Variants in STXBP5 observed in about 807,000 individuals in gnomAD.
STXBP5 encodes the protein syntaxin-binding protein 5.
In STXBP5, 50 loss-of-function variants were observed where a neutral mutation model predicts 152.4. The ratio of observed to expected loss-of-function variants is 0.33; its 90% CI spans 0.26 to 0.42. The LOEUF (loss-of-function observed/expected upper bound fraction) is 0.42, where lower values mean the gene tolerates loss of function less well. Among genes scored for constraint, STXBP5 ranks in the 10% least tolerant of loss-of-function variants. STXBP5 has a pLI of 1.00. For synonymous variants in STXBP5, 492 were observed against 494.7 expected (o/e 0.99, Z 0.07); for missense variants, 1,167 against 1,388.6 (o/e 0.84, Z 2.54).
intron 27 of STXBP5, 21 bp downstream of exon 27, chr6:147,383,019 T>A: frequency 6.2e-7 from 1 of 1,611,316 alleles, no homozygotes; most frequent in Non-Finnish European, 8.5e-7. Context: ...CAAACAGATA[T>A]TTGAACAAAA....
intron 21 of STXBP5, among the ~76,000 whole-genome samples, chr6:147,347,414 T>G (rs1482684921): frequency 6.6e-6 from 1 of 152,138 alleles, no homozygotes; most frequent in Non-Finnish European, 1.5e-5. Flanking sequence ...AGTTCCACAA[T>G]TAAGTACTAC....
chr6:147,367,437 G>C (rs972080086), intron 25 of STXBP5, among the ~76,000 whole-genome samples: 5 of 152,080 alleles, frequency 3.3e-5, no homozygotes, highest in African/African-American at 1.2e-4. Flanking sequence ...AGGAGATCGA[G>C]ACCATCCTGG....
rs191793860 is a variant in STXBP5, at chr6:147,214,179, T to C, written c.248+8111T>C. On this transcript the variant is annotated intron_variant, in intron 2 of 27. Transcript: ENST00000321680. ...CACTTTAATTTGAACGCATTTCTGA[T>C]GTTTATTAGCAGTAATAAAAATAAG... Among the ~76,000 whole-genome samples the C allele has an allele frequency of 3.2e-4, 48 of 152,358 alleles. No individual in the cohort carries two copies. The East Asian group carries it at 8.9e-3, about 28-fold the overall frequency.
At chr6:147,305,866 G>A (rs770322931) in intron 9 of STXBP5, among the ~76,000 whole-genome samples, 5 of 152,128 alleles carry the variant, frequency 3.3e-5, no homozygotes, top group Admixed American at 6.6e-5. Flanking sequence ...GTTATTAAGT[G>A]TTCCCTCTAA....
At chr6:147,206,786 T>A (rs1776587371) in intron 2 of STXBP5, among the ~76,000 whole-genome samples, 2 of 152,308 alleles carry the variant, frequency 1.3e-5, no homozygotes, top group African/African-American at 4.8e-5. Context: ...AGCATTTTTT[T>A]AAATACTTCA....
chr6:147,207,014 AGAT>A (rs1403835403), intron 2 of STXBP5, among the ~76,000 whole-genome samples: 1 of 152,016 alleles, frequency 6.6e-6, no homozygotes, highest in Non-Finnish European at 1.5e-5. Context: ...AAAAATCACT[AGAT>A]GATTTCAGTA....
At chr6:147,351,920 C>T (rs1582984295) in intron 21 of STXBP5, 1 of 982,896 alleles carries the variant, frequency 1.0e-6, no homozygotes, top group South Asian at 4.7e-5. Context: ...TATCTCCTAA[C>T]AGTCCAAAAT....
intron 4 of STXBP5, among the ~76,000 whole-genome samples, chr6:147,249,754 G>C (rs942554235): frequency 2.6e-5 from 4 of 152,156 alleles, no homozygotes; most frequent in South Asian, 2.1e-4. Context: ...AAAAATGTGA[G>C]AGTGCAGCTG....
At chr6:147,378,917 A>G (rs1785940431) in intron 26 of STXBP5, among the ~76,000 whole-genome samples, 1 of 152,144 alleles carries the variant, frequency 6.6e-6, no homozygotes, top group African/African-American at 2.4e-5. Context: ...AGAAATCAAC[A>G]CAGGTCTTAT....
In STXBP5 at chr6:147,298,707, A is replaced by G. The variant is rs1391130304; in HGVS notation, c.917+7535A>G. On this transcript the variant is annotated intron_variant, in intron 9 of 27. Coordinates refer to ENST00000321680, the MANE Select transcript of STXBP5 (RefSeq NM_001127715.4). Reference sequence around the variant, plus strand: ...TTGGAAACTGTAAAAATACATGGACATTACTCATCATGCTCTGAATAGCCA... The same window carrying G: ...TTGGAAACTGTAAAAATACATGGACGTTACTCATCATGCTCTGAATAGCCA... 1.3e-5 allele frequency among the ~76,000 whole-genome samples: 2 copies of G among 152,088 alleles called. 1 individual carries two copies. The highest frequency in any genetic ancestry group is 2.9e-5 in the Non-Finnish European group (2 of 67,950).
At chr6:147,285,077 C>T (rs1170558164) in intron 8 of STXBP5, among the ~76,000 whole-genome samples, 1 of 151,670 alleles carries the variant, frequency 6.6e-6, no homozygotes, top group African/African-American at 2.4e-5. Flanking sequence ...TTATTTGAGG[C>T]TTGGTGGTTT....
At chr6:147,213,251 A>T (rs1776951683) in intron 2 of STXBP5, among the ~76,000 whole-genome samples, 1 of 151,788 alleles carries the variant, frequency 6.6e-6, no homozygotes, top group African/African-American at 2.4e-5. Flanking sequence ...GCAATTATTT[A>T]CAAGAAGAAT....
intron 21 of STXBP5, among the ~76,000 whole-genome samples, chr6:147,346,919 C>A (rs1056622269): frequency 1.2e-4 from 19 of 152,144 alleles, no homozygotes; most frequent in African/African-American, 4.1e-4. Context: ...ATGAGGTGAG[C>A]CCCACGTTTC....
intron 1 of STXBP5, among the ~76,000 whole-genome samples, chr6:147,205,023 C>G (rs988095428): frequency 2.6e-5 from 4 of 152,084 alleles, no homozygotes; most frequent in Non-Finnish European, 5.9e-5. Flanking sequence ...TATGATTCAC[C>G]AACTTCGAAG....
chr6:147,328,905 C>A, intron 18 of STXBP5: 1 of 321,736 alleles, frequency 3.1e-6, no homozygotes, highest in Non-Finnish European at 6.1e-6. Context: ...TACTTAGATT[C>A]ATCTCATGAC....
At chr6:147,262,247 T>G in intron 5 of STXBP5, 43 bp from the exon 6 acceptor site, 1 of 1,226,156 alleles carries the variant, frequency 8.2e-7, no homozygotes, top group South Asian at 1.4e-5. Context: ...CATATTAAAA[T>G]TCTTAACTGA....
chr6:147,385,628 A>G lies in STXBP5; in HGVS notation c.*873A>G, dbSNP rs888510372. On this transcript the variant is annotated 3_prime_UTR_variant, in exon 28 of 28. Transcript: ENST00000321680. ...GGATTTGACCAAAATAATGCTGGTT[A>G]AATTTGTAGAAATGTTGAAATTGGC... The G allele has an allele frequency of 3.9e-5, 6 of 152,134 alleles. No individual in the cohort carries two copies. Among genetic ancestry groups the G allele is most frequent in the African/African-American group, 1.4e-4 (6 of 41,454 alleles). 9.4% of individuals were successfully genotyped at this position (152,134 alleles called of 1,614,324 possible).
intron 2 of STXBP5, among the ~76,000 whole-genome samples, chr6:147,222,288 T>A (rs1168039457): frequency 6.6e-6 from 1 of 152,202 alleles, no homozygotes; most frequent in East Asian, 1.9e-4. Flanking sequence ...CTCTTCCAAC[T>A]GTATTTTTTG....
intron 9 of STXBP5, among the ~76,000 whole-genome samples, chr6:147,307,219 A>AC (rs1287286594): frequency 1.3e-5 from 2 of 152,140 alleles, no homozygotes; most frequent in African/African-American, 4.8e-5. Flanking sequence ...AGGCTTCCAA[A>AC]CTGACGTCTT....
Sources: allele counts gnomAD v4.1 joint callset (sites outside exome capture counted in the v4.1 genomes callset), GRCh38; gene constraint gnomAD v4.1.1; transcripts MANE v1.5; gene names NCBI Gene and HGNC (gene_info 2026-07-23, HGNC 2026-07-21).